ASTN2: variants seen among roughly 807,000 people sequenced by gnomAD.
ASTN2 encodes astrotactin-2.
A neutral mutation model predicts 139.8 loss-of-function variants in ASTN2; 54 were observed. The observed-to-expected ratio is 0.39, with a 90% CI of 0.31 to 0.48. The LOEUF is 0.48. ASTN2 is among the 20% of genes least tolerant of loss of function. The pLI is 0.95. For missense variants in ASTN2, 1,565 were observed against 1,725.1 expected, an observed-to-expected ratio of 0.91 and a Z score of 1.64; for synonymous variants, 756 against 719.5, an observed-to-expected ratio of 1.05 and a Z score of -0.81.
intron 12 of ASTN2, among the ~76,000 whole-genome samples, chr9:116,808,672 A>G (rs776726505): frequency 5.9e-5 from 9 of 152,208 alleles, no homozygotes; most frequent in Non-Finnish European, 1.0e-4. Flanking sequence ...GTGTTTCTAT[A>G]AAACAGATAC....
chr9:116,544,915 T>G (rs111992358), intron 19 of ASTN2, among the ~76,000 whole-genome samples: 89 of 152,348 alleles, frequency 5.8e-4, no homozygotes, highest in African/African-American at 2.0e-3. Context: ...ACATTCTGCC[T>G]AGCTCATTTT....
Position 117,113,927 on chromosome 9 carries a change from G to A in ASTN2, c.1169-17776C>T, listed in dbSNP as rs150113254. Among the ~76,000 whole-genome samples the A allele has an allele frequency of 5.3e-5, 8 of 152,170 alleles. No individual in the cohort carries two copies. The East Asian group carries it at 7.7e-4, about 15-fold the overall frequency. On this transcript the variant is annotated intron_variant, in intron 4 of 22. Transcript: ENST00000313400. The stretch of plus-strand genomic sequence containing the variant: ...TTGGGGGTGAAGGAAATGGTCACTG[G>A]TGTATACATCTTTCAAAACTCATTG...
At chr9:116,767,025 T>C (rs1413329171) in intron 13 of ASTN2, among the ~76,000 whole-genome samples, 2 of 151,686 alleles carry the variant, frequency 1.3e-5, no homozygotes, top group Non-Finnish European at 2.9e-5. Flanking sequence ...CACTCACACA[T>C]AAACACACAC....
chr9:117,176,983 A>G (rs1265481240), intron 3 of ASTN2, among the ~76,000 whole-genome samples: 3 of 152,222 alleles, frequency 2.0e-5, no homozygotes, highest in Non-Finnish European at 4.4e-5. Context: ...TTCTGTTTCA[A>G]ATTAGACTCT....
chr9:117,242,094 G>A (rs1833232939), intron 2 of ASTN2, among the ~76,000 whole-genome samples: 2 of 139,956 alleles, frequency 1.4e-5, no homozygotes, highest in South Asian at 2.4e-4. Flanking sequence ...TATGGACTTG[G>A]GCTCCCAGTT....
chr9:117,273,846 T>A (rs1272154317), intron 2 of ASTN2, among the ~76,000 whole-genome samples: 1 of 152,240 alleles, frequency 6.6e-6, no homozygotes, highest in Admixed American at 6.5e-5. Context: ...CAGCCCAGTT[T>A]ATCAAACCAA....
At position 116,660,939 on chromosome 9, in the gene ASTN2, C is replaced by A. The variant is rs144306099; in HGVS notation, c.2807-9146G>T. ...CCTATGATCTCTCACAGTTCTCCACCATCCTACAAAGTAGGGATTGTTGCC... is the reference window on the plus strand; with the variant it reads ...CCTATGATCTCTCACAGTTCTCCACAATCCTACAAAGTAGGGATTGTTGCC... On this transcript the variant is annotated intron_variant, in intron 16 of 22. Transcript: ENST00000313400. Among the ~76,000 whole-genome samples, 847 of 152,220 alleles carry A rather than the reference C, an allele frequency of 5.6e-3. 11 individuals carry two copies. Among genetic ancestry groups the A allele is most frequent in the African/African-American group, 0.02 (819 of 41,564 alleles).
At chr9:116,703,729 T>TAAA (rs33973593) in intron 16 of ASTN2, among the ~76,000 whole-genome samples, 76 of 145,780 alleles carry the variant, frequency 5.2e-4, no homozygotes, top group East Asian at 1.0e-3. Flanking sequence ...AGTATAATAA[T>TAAA]AAAAAAAAAA....
intron 4 of ASTN2, among the ~76,000 whole-genome samples, chr9:117,108,438 AACACACACACACAC>A (rs3041147): frequency 1.4e-5 from 2 of 145,234 alleles, no homozygotes; most frequent in African/African-American, 2.5e-5. Context: ...AACAAAACAA[AACACACACACACAC>A]ACACACACAC....
intron 11 of ASTN2, among the ~76,000 whole-genome samples, chr9:116,838,293 G>C (rs1277734173): frequency 6.6e-6 from 1 of 151,626 alleles, no homozygotes; most frequent in Non-Finnish European, 1.5e-5. Context: ...ATTTTTAGTA[G>C]AGGCGGGGGT....
At chr9:116,856,990 G>A (rs1486839249) in intron 11 of ASTN2, among the ~76,000 whole-genome samples, 3 of 152,134 alleles carry the variant, frequency 2.0e-5, no homozygotes, top group Non-Finnish European at 2.9e-5. Context: ...ATTCGATGTT[G>A]CCCCTCCTTT....
At chr9:116,495,455 A>C (rs1849639863) in intron 19 of ASTN2, among the ~76,000 whole-genome samples, 2 of 152,210 alleles carry the variant, frequency 1.3e-5, no homozygotes, top group Non-Finnish European at 2.9e-5. Context: ...GACTAACTCC[A>C]GGTACAGACA....
intron 3 of ASTN2, among the ~76,000 whole-genome samples, chr9:117,203,032 C>G (rs76361670): frequency 6.6e-6 from 1 of 151,724 alleles, no homozygotes; most frequent in African/African-American, 2.4e-5. Flanking sequence ...TTTGTTAATT[C>G]TTTTTTGTTC....
At chr9:117,106,886 T>C (rs1829119979) in intron 4 of ASTN2, among the ~76,000 whole-genome samples, 1 of 152,322 alleles carries the variant, frequency 6.6e-6, no homozygotes, top group Admixed American at 6.5e-5. Flanking sequence ...TTTTCTATTA[T>C]GTAATTTACA....
chr9:116,945,667 A>C (rs1456228476), intron 10 of ASTN2, among the ~76,000 whole-genome samples: 1 of 151,378 alleles, frequency 6.6e-6, no homozygotes, highest in Non-Finnish European at 1.5e-5. Flanking sequence ...TATTAAACAC[A>C]AGTTTATCAA....
intron 13 of ASTN2, among the ~76,000 whole-genome samples, chr9:116,752,194 G>A (rs1446230694): frequency 2.6e-5 from 4 of 152,098 alleles, no homozygotes; most frequent in African/African-American, 4.8e-5. Flanking sequence ...ATAGACCCAC[G>A]CAAATCTAGT....
intron 2 of ASTN2, among the ~76,000 whole-genome samples, chr9:117,248,848 A>G (rs905683230): frequency 7.2e-5 from 11 of 152,188 alleles, no homozygotes; most frequent in Admixed American, 1.3e-4. Flanking sequence ...CCCTTTGTGC[A>G]ACACCCAGTG....
intron 7 of ASTN2, among the ~76,000 whole-genome samples, chr9:116,991,214 T>C (rs2132551640): frequency 6.6e-6 from 1 of 152,266 alleles, no homozygotes; most frequent in African/African-American, 2.4e-5. Flanking sequence ...TCAGAGGCCT[T>C]TAGTCATCCA....
chr9:117,140,451 G>A (rs1269854255), intron 4 of ASTN2, among the ~76,000 whole-genome samples: 3 of 151,594 alleles, frequency 2.0e-5, no homozygotes, highest in Admixed American at 1.3e-4. Context: ...CTACTGAGTA[G>A]ATAGAAAAAA....
Sources: gnomAD v4.1 joint callset for allele counts (sites outside exome capture counted in the v4.1 genomes callset) on GRCh38, gnomAD v4.1.1 for gene constraint, MANE v1.5 for transcripts, NCBI Gene and HGNC (gene_info 2026-07-23, HGNC 2026-07-21) for gene names.